CORIN: variants seen among roughly 807,000 people sequenced by gnomAD.
The protein encoded by CORIN is atrial natriuretic peptide-converting enzyme.
A neutral mutation model predicts 125.3 loss-of-function variants in CORIN; 117 were observed. The observed-to-expected ratio is 0.93, with a 90% confidence interval of 0.80 to 1.09. The LOEUF (loss-of-function observed/expected upper bound fraction) is 1.09, where lower values mean the gene tolerates loss of function less well. Among genes scored for constraint, CORIN ranks in the 50% least tolerant of loss-of-function variants. CORIN has a pLI of 0.00. For missense variants in CORIN, 1,253 were observed against 1,306.7 expected (o/e 0.96, Z 0.63); for synonymous variants, 450 against 466.4 (o/e 0.96, Z 0.45).
intron 6 of CORIN, among the ~76,000 whole-genome samples, chr4:47,687,440 T>C (rs1420656230): frequency 6.6e-6 from 1 of 152,194 alleles, no homozygotes; most frequent in African/African-American, 2.4e-5. Context: ...TGGCCTAAGG[T>C]AGATGTTTTT....
intron 5 of CORIN, among the ~76,000 whole-genome samples, chr4:47,743,033 A>G (rs1728482122): frequency 6.6e-6 from 1 of 152,146 alleles, no homozygotes; most frequent in Non-Finnish European, 1.5e-5. Flanking sequence ...GAATATACAC[A>G]TAGAAAAAAA....
At chr4:47,758,160 C>A (rs1295663177) in intron 4 of CORIN, among the ~76,000 whole-genome samples, 1 of 151,842 alleles carries the variant, frequency 6.6e-6, no homozygotes, top group Non-Finnish European at 1.5e-5. Context: ...GTGATCTGCT[C>A]GCCTGGCCTC....
At chr4:47,802,380 C>T (rs545859359) in intron 2 of CORIN, among the ~76,000 whole-genome samples, 11 of 152,262 alleles carry the variant, frequency 7.2e-5, no homozygotes, top group African/African-American at 2.4e-4. Flanking sequence ...GAGGAGTCCA[C>T]TGTCCTGAAG....
At chr4:47,788,167 T>C (rs1393787809) in intron 2 of CORIN, among the ~76,000 whole-genome samples, 2 of 152,162 alleles carry the variant, frequency 1.3e-5, no homozygotes, top group Non-Finnish European at 2.9e-5. Context: ...CCAAGGGAGA[T>C]TTTCTTTTCT....
intron 5 of CORIN, among the ~76,000 whole-genome samples, chr4:47,723,557 G>C (rs974994351): frequency 3.9e-5 from 6 of 152,164 alleles, no homozygotes; most frequent in African/African-American, 7.2e-5. Flanking sequence ...TGTGACTTGT[G>C]ACCGGAACTT....
intron 5 of CORIN, among the ~76,000 whole-genome samples, chr4:47,704,288 C>T (rs1015431139): frequency 2.0e-5 from 3 of 152,140 alleles, no homozygotes; most frequent in African/African-American, 7.2e-5. Context: ...ATTCCAGAGT[C>T]ATAGCTCCCA....
At chr4:47,811,840 C>T (rs1311110236) in intron 1 of CORIN, among the ~76,000 whole-genome samples, 1 of 152,190 alleles carries the variant, frequency 6.6e-6, no homozygotes, top group Non-Finnish European at 1.5e-5. Flanking sequence ...GTCTATACTG[C>T]TCTGCTGCTA....
At chr4:47,647,680 C>T (rs1428130850) in intron 13 of CORIN, among the ~76,000 whole-genome samples, 1 of 152,178 alleles carries the variant, frequency 6.6e-6, no homozygotes, top group Admixed American at 6.5e-5. Flanking sequence ...CCCTCCACAT[C>T]ACAGCTCTAC....
At chr4:47,782,893 G>C (rs61764283) in intron 3 of CORIN, among the ~76,000 whole-genome samples, 2,977 of 151,538 alleles carry the variant, frequency 0.02, 54 homozygotes, top group South Asian at 0.03. Context: ...CAGGAGCTGA[G>C]GGAAAGGGGA....
chr4:47,728,224 T>C (rs2109808854), intron 5 of CORIN, among the ~76,000 whole-genome samples: 2 of 152,232 alleles, frequency 1.3e-5, no homozygotes, highest in East Asian at 3.9e-4. Context: ...TGGCCCAGAG[T>C]TTAGAGTTCA....
rs1379231052 is a variant in CORIN at position 47,744,482 on chromosome 4, C to T, written c.719G>A (p.Cys240Tyr). ...TTCAGTTTGGTTTCTAAACTGGGAGCATCTGAGGAAATCCGGCCAGGAGTA... is the reference window on the plus strand; with the variant it reads ...TTCAGTTTGGTTTCTAAACTGGGAGTATCTGAGGAAATCCGGCCAGGAGTA... Reference protein sequence around the residue: ...VNYSWPDFLRCSQFRNQTESS... With the variant: ...VNYSWPDFLRYSQFRNQTESS... The change falls in exon 5 of 22, where the codon TGC (cysteine) becomes TAC (tyrosine). Residue 240 changes from cysteine to tyrosine, a missense_variant. By Grantham distance (194) the Cys-to-Tyr change is radical (BLOSUM62 -2). Transcript: ENST00000273857. 1 of 1,613,900 alleles carries T rather than the reference C, an allele frequency of 6.2e-7. No homozygotes were observed.
chr4:47,602,853 T>TA (rs1277344435), intron 20 of CORIN, among the ~76,000 whole-genome samples: 1 of 152,112 alleles, frequency 6.6e-6, no homozygotes, highest in Admixed American at 6.5e-5. Context: ...AATGGGAAAT[T>TA]ACGGCCAAAA....
intron 12 of CORIN, 79 bp from the exon 13 acceptor site, chr4:47,653,739 T>C: frequency 7.9e-7 from 1 of 1,271,940 alleles, no homozygotes. Flanking sequence ...TGTAGGATGT[T>C]GTCAAGGAGC....
At chr4:47,725,635 G>C (rs889668128) in intron 5 of CORIN, among the ~76,000 whole-genome samples, 1 of 151,950 alleles carries the variant, frequency 6.6e-6, no homozygotes, top group Non-Finnish European at 1.5e-5. Flanking sequence ...ACTCAATGCA[G>C]GTCATATAAA....
chr4:47,735,250 A>G (rs778914472), intron 5 of CORIN, among the ~76,000 whole-genome samples: 1 of 152,226 alleles, frequency 6.6e-6, no homozygotes, highest in Admixed American at 6.5e-5. Context: ...CTTTCTCTAT[A>G]GCACACAAAC....
chr4:47,689,080 A>G (rs1273543707), intron 6 of CORIN, among the ~76,000 whole-genome samples: 2 of 152,096 alleles, frequency 1.3e-5, no homozygotes, highest in Non-Finnish European at 2.9e-5. Context: ...TCTTCCTTAC[A>G]TGTATCAGCT....
At chr4:47,737,771 G>T (rs1488038790) in intron 5 of CORIN, among the ~76,000 whole-genome samples, 1 of 152,166 alleles carries the variant, frequency 6.6e-6, no homozygotes, top group Non-Finnish European at 1.5e-5. Flanking sequence ...ATAAGATATG[G>T]TTATTGATCT....
intron 2 of CORIN, among the ~76,000 whole-genome samples, chr4:47,792,021 T>C (rs1731104450): frequency 6.6e-6 from 1 of 152,186 alleles, no homozygotes; most frequent in Non-Finnish European, 1.5e-5. Context: ...ATAGTCCTCA[T>C]TCCATTTGAA....
chr4:47,603,556 T>C lies in CORIN; in HGVS notation c.2653A>G (p.Ser885Gly). ...ATGTCATAGTCCACCACTGCTCGAC[T>C]GTAGCGGGGATGCAGGATGATGGTC... ...VKTIILHPRYSRAVVDYDISI... is the reference protein window; with the variant it reads ...VKTIILHPRYGRAVVDYDISI... Residue 885 changes from serine to glycine, a missense_variant, in exon 20 of 22, where the codon AGT becomes GGT. Ser to Gly is a moderately conservative substitution (Grantham distance 56). Coordinates refer to ENST00000273857, the MANE Select transcript of CORIN (RefSeq NM_006587.4). 1 of 1,614,206 alleles carries C rather than the reference T, an allele frequency of 6.2e-7. No individual in the cohort carries two copies. Among genetic ancestry groups the C allele is most frequent in the South Asian group, 1.1e-5 (1 of 91,088 alleles).
Sources: allele counts gnomAD v4.1 joint callset (sites outside exome capture counted in the v4.1 genomes callset), GRCh38; gene constraint gnomAD v4.1.1; transcripts MANE v1.5; gene names NCBI Gene and HGNC (gene_info 2026-07-23, HGNC 2026-07-21).